The following KDM4C variants were observed in gnomAD, a reference collection of about 807,000 sequenced individuals.
KDM4C encodes the protein lysine demethylase 4C.
Under a neutral mutation model 129.3 loss-of-function variants are expected in KDM4C, and 81 were observed. The observed-to-expected ratio is 0.63, with a 90% CI of 0.52 to 0.75. The LOEUF is 0.75. KDM4C is among the 30% of genes least tolerant of loss of function. The pLI, the probability that KDM4C is intolerant of heterozygous loss-of-function variation, is 0.00. For missense variants in KDM4C, 1,457 were observed against 1,304.0 expected (o/e 1.12, Z -1.81); for synonymous variants, 573 against 456.1 (o/e 1.26, Z -3.26).
At chr9:6,807,902 G>GC (rs1216722793) in intron 3 of KDM4C, among the ~76,000 whole-genome samples, 3 of 133,676 alleles carry the variant, frequency 2.2e-5, no homozygotes, top group Admixed American at 7.2e-5. Context: ...GGGGGTGTCA[G>GC]CCCCCAGCCC....
intron 8 of KDM4C, among the ~76,000 whole-genome samples, chr9:6,962,013 T>G (rs887646726): frequency 6.6e-6 from 1 of 152,214 alleles, no homozygotes; most frequent in Non-Finnish European, 1.5e-5. Context: ...CTTGGTAACA[T>G]TAACTTCGTT....
At chr9:6,913,467 C>G (rs1859080584) in intron 8 of KDM4C, among the ~76,000 whole-genome samples, 2 of 152,202 alleles carry the variant, frequency 1.3e-5, no homozygotes, top group Admixed American at 6.5e-5. Context: ...TAGCTCATAC[C>G]TTGCGCCAGC....
At chr9:7,027,329 A>G (rs1825972171) in intron 15 of KDM4C, among the ~76,000 whole-genome samples, 1 of 152,234 alleles carries the variant, frequency 6.6e-6, no homozygotes, top group Non-Finnish European at 1.5e-5. Context: ...TGGTTCTTGC[A>G]GACTTGCAGA....
At chr9:7,083,869 G>A (rs1296369874) in intron 17 of KDM4C, among the ~76,000 whole-genome samples, 2 of 152,124 alleles carry the variant, frequency 1.3e-5, no homozygotes, top group Non-Finnish European at 2.9e-5. Flanking sequence ...GTGAGAATTT[G>A]ATTTGAATTC....
At chr9:6,724,666 T>G (rs62569485) in intron 1 of KDM4C, among the ~76,000 whole-genome samples, 14,750 of 151,972 alleles carry the variant, frequency 0.097, 828 homozygotes, top group Non-Finnish European at 0.12. Flanking sequence ...GAGCAGCTGG[T>G]ACTACAGGCA....
chr9:6,920,901 C>T (rs1355235408), intron 8 of KDM4C, among the ~76,000 whole-genome samples: 1 of 152,142 alleles, frequency 6.6e-6, no homozygotes, highest in African/African-American at 2.4e-5. Context: ...GTCAAAATGG[C>T]ATGTTTTGAG....
intron 17 of KDM4C, among the ~76,000 whole-genome samples, chr9:7,086,318 C>A (rs1207169955): frequency 6.6e-6 from 1 of 152,166 alleles, no homozygotes; most frequent in African/African-American, 2.4e-5. Context: ...TTTTGTGTGT[C>A]CCCTCTCATA....
At chr9:6,805,039 T>A (rs1178619242) in intron 2 of KDM4C, among the ~76,000 whole-genome samples, 1 of 152,028 alleles carries the variant, frequency 6.6e-6, no homozygotes, top group African/African-American at 2.4e-5. Context: ...TAGCTGGGAC[T>A]ACAGGTGCGT....
At chr9:6,867,925 C>T in intron 5 of KDM4C, among the ~76,000 whole-genome samples, 1 of 152,176 alleles carries the variant, frequency 6.6e-6, no homozygotes, top group East Asian at 1.9e-4. Context: ...AAATCTTACA[C>T]AGAACCCTTA....
At chr9:7,113,374 C>T (rs779708073) in intron 18 of KDM4C, among the ~76,000 whole-genome samples, 2 of 152,220 alleles carry the variant, frequency 1.3e-5, no homozygotes, top group Non-Finnish European at 2.9e-5. Context: ...TTCTCTTATT[C>T]ACATTATCAG....
chr9:7,121,022 A>G (rs909477867), intron 18 of KDM4C, among the ~76,000 whole-genome samples: 4 of 152,244 alleles, frequency 2.6e-5, no homozygotes, highest in African/African-American at 9.6e-5. Context: ...GAAGTACTAA[A>G]TAAATCCCAT....
At chr9:6,940,180 TC>T (rs1396409352) in intron 8 of KDM4C, among the ~76,000 whole-genome samples, 1 of 152,084 alleles carries the variant, frequency 6.6e-6, no homozygotes, top group Non-Finnish European at 1.5e-5. Context: ...AACCTCTACT[TC>T]CCAGGCTCAA....
At chr9:6,949,732 C>T (rs1439207294) in intron 8 of KDM4C, among the ~76,000 whole-genome samples, 1 of 152,222 alleles carries the variant, frequency 6.6e-6, no homozygotes, top group Non-Finnish European at 1.5e-5. Context: ...ATCGCAGGCA[C>T]TCAGCAGGCT....
At chr9:7,151,602 G>A (rs182617096) in intron 19 of KDM4C, among the ~76,000 whole-genome samples, 26 of 152,302 alleles carry the variant, frequency 1.7e-4, no homozygotes, top group Admixed American at 3.3e-4. Context: ...CTGAGCCCGG[G>A]AAGCCAAGGC....
chr9:7,022,490 ATG>A (rs1394777045), intron 15 of KDM4C, among the ~76,000 whole-genome samples: 1 of 151,838 alleles, frequency 6.6e-6, no homozygotes, highest in Non-Finnish European at 1.5e-5. Flanking sequence ...TCTGATTTTT[ATG>A]TGTTGATTTT....
chr9:7,167,112 G>A (rs1450630310), intron 20 of KDM4C, among the ~76,000 whole-genome samples: 2 of 152,178 alleles, frequency 1.3e-5, no homozygotes, highest in East Asian at 3.9e-4. Flanking sequence ...ATTGACTCCT[G>A]TCTTACAAAT....
chr9:6,910,368 T>C (rs571477483), intron 8 of KDM4C, among the ~76,000 whole-genome samples: 4 of 152,326 alleles, frequency 2.6e-5, no homozygotes, highest in African/African-American at 9.6e-5. Context: ...AACTGTCCTA[T>C]AGAATAGATA....
intron 15 of KDM4C, among the ~76,000 whole-genome samples, chr9:7,034,916 C>T (rs1052412285): frequency 3.9e-5 from 6 of 152,184 alleles, no homozygotes; most frequent in African/African-American, 1.4e-4. Flanking sequence ...TTACATTTCC[C>T]TGGTGATGTT....
intron 1 of KDM4C, among the ~76,000 whole-genome samples, chr9:6,764,027 G>C (rs1052236677): frequency 2.6e-5 from 4 of 152,148 alleles, no homozygotes; most frequent in African/African-American, 7.2e-5. Flanking sequence ...CCAAAGTGCT[G>C]GGATTACAGG....
Sources: gnomAD v4.1 joint callset for allele counts (sites outside exome capture counted in the v4.1 genomes callset) on GRCh38, gnomAD v4.1.1 for gene constraint, MANE v1.5 for transcripts, NCBI Gene and HGNC (gene_info 2026-07-23, HGNC 2026-07-21) for gene names.